FUT9: variants seen among roughly 807,000 people sequenced by gnomAD.
The protein encoded by FUT9 is fucosyltransferase 9.
Under a neutral mutation model 29.7 loss-of-function variants are expected in FUT9, and 15 were observed. The ratio of observed to expected loss-of-function variants is 0.51; its 90% confidence interval spans 0.34 to 0.78. The LOEUF is 0.78. Ranked by LOEUF, FUT9 falls within the 30% of genes least tolerant of loss-of-function variation. The pLI is 0.01. For synonymous variants in FUT9, 169 were observed against 153.7 expected (o/e 1.10, Z -0.74); for missense variants, 319 against 425.4 (o/e 0.75, Z 2.20).
intron 1 of FUT9, among the ~76,000 whole-genome samples, chr6:96,102,554 C>G (rs563447045): frequency 6.6e-6 from 1 of 152,164 alleles, no homozygotes; most frequent in African/African-American, 2.4e-5. Flanking sequence ...CCAAATGGGC[C>G]ATGAGTTCAC....
At chr6:96,025,721 C>A (rs1002896594) in intron 1 of FUT9, among the ~76,000 whole-genome samples, 7 of 151,626 alleles carry the variant, frequency 4.6e-5, no homozygotes, top group Non-Finnish European at 1.5e-5. Context: ...CATCTTTTCT[C>A]TTCCAGAAAG....
intron 2 of FUT9, among the ~76,000 whole-genome samples, chr6:96,128,047 C>T (rs1343013932): frequency 6.6e-6 from 1 of 151,876 alleles, no homozygotes; most frequent in East Asian, 1.9e-4. Context: ...TTCCACTTGT[C>T]AATTTTTGAA....
intron 1 of FUT9, among the ~76,000 whole-genome samples, chr6:96,108,676 A>T (rs7752510): frequency 0.27 from 40,927 of 151,986 alleles, 6,347 homozygotes; most frequent in Non-Finnish European, 0.34. Flanking sequence ...TAGTCCTAAA[A>T]TGACATTATC....
intron 2 of FUT9, among the ~76,000 whole-genome samples, chr6:96,198,737 G>A (rs1286088693): frequency 6.6e-6 from 1 of 152,158 alleles, no homozygotes; most frequent in Admixed American, 6.6e-5. Flanking sequence ...CCCACCAGCA[G>A]TGTAAAAGTG....
intron 1 of FUT9, among the ~76,000 whole-genome samples, chr6:96,075,430 G>A (rs1439483560): frequency 6.6e-6 from 1 of 151,960 alleles, no homozygotes; most frequent in Admixed American, 6.6e-5. Context: ...AGAAAATGAT[G>A]GAAATTTTGT....
intron 2 of FUT9, among the ~76,000 whole-genome samples, chr6:96,190,227 T>C (rs1389348379): frequency 6.6e-6 from 1 of 152,170 alleles, no homozygotes; most frequent in East Asian, 1.9e-4. Context: ...GAATGTTGAA[T>C]ATTGGCCCCC....
At chr6:96,112,384 A>G (rs980855144) in intron 1 of FUT9, among the ~76,000 whole-genome samples, 3 of 152,236 alleles carry the variant, frequency 2.0e-5, no homozygotes, top group African/African-American at 7.2e-5. Context: ...AAGAACAATT[A>G]GGTGATATTT....
rs543256719 is a variant in FUT9 at position 96,204,483 on chromosome 6, T to A, written c.*248T>A. The A allele has an allele frequency of 1.8e-5, 5 of 281,872 alleles. No individual in the cohort carries two copies. In the Admixed American group the frequency reaches 2.1e-4, roughly 12 times the overall value. 17.5% of individuals were successfully genotyped at this position (281,872 alleles called of 1,614,324 possible). On this transcript the variant is annotated 3_prime_UTR_variant, in exon 3 of 3. Coordinates refer to ENST00000302103, the MANE Select transcript of FUT9 (RefSeq NM_006581.4). ...AGAGTAATTTATTCTTCATTATCAT[T>A]TGTAAACATTGTTTTTTCACATTTT... is the stretch of plus-strand genomic sequence containing the variant.
intron 2 of FUT9, among the ~76,000 whole-genome samples, chr6:96,171,686 T>C (rs1166774920): frequency 6.6e-6 from 1 of 152,170 alleles, no homozygotes; most frequent in Non-Finnish European, 1.5e-5. Context: ...ACCTAAAGTA[T>C]GTAAAAATTC....
intron 2 of FUT9, among the ~76,000 whole-genome samples, chr6:96,149,066 G>T (rs1006365169): frequency 6.6e-6 from 1 of 152,030 alleles, no homozygotes; most frequent in Non-Finnish European, 1.5e-5. Flanking sequence ...TGAGGCAGGA[G>T]AACTGCTTGA....
chr6:96,075,147 GGTGT>G, intron 1 of FUT9, among the ~76,000 whole-genome samples: 1 of 151,972 alleles, frequency 6.6e-6, no homozygotes, highest in East Asian at 1.9e-4. Flanking sequence ...TGTGTGTGTA[GGTGT>G]GTGTGTGTAT....
intron 2 of FUT9, among the ~76,000 whole-genome samples, chr6:96,148,738 T>A (rs1772620052): frequency 6.6e-6 from 1 of 152,166 alleles, no homozygotes; most frequent in Non-Finnish European, 1.5e-5. Flanking sequence ...GTAGTGTAGA[T>A]ACATGAACAT....
intron 1 of FUT9, among the ~76,000 whole-genome samples, chr6:96,087,471 A>C (rs1482283612): frequency 6.7e-6 from 1 of 149,482 alleles, no homozygotes; most frequent in Non-Finnish European, 1.5e-5. Flanking sequence ...GGTTCAAGCA[A>C]TTATCCTGCC....
chr6:96,117,813 A>C (rs1297268345), intron 2 of FUT9, among the ~76,000 whole-genome samples: 1 of 152,226 alleles, frequency 6.6e-6, no homozygotes, highest in East Asian at 1.9e-4. Flanking sequence ...CTCTTAATTT[A>C]AATAAAATTC....
In FUT9 at chr6:96,208,045, ATAATCT is replaced by A. The variant is rs1179425163; in HGVS notation, c.*3813_*3818del. The A allele has an allele frequency of 6.0e-6, 1 of 166,914 alleles. No homozygotes were observed. Among genetic ancestry groups the A allele is most frequent in the Non-Finnish European group, 1.5e-5 (1 of 68,004 alleles). The allele number at this position is 166,914 out of a possible 1,614,324, so 10.3% of individuals were successfully genotyped here. A position where few individuals can be genotyped will look rare whatever the true frequency, so the allele number is the denominator to read the frequency against. On this transcript the variant is annotated 3_prime_UTR_variant, in exon 3 of 3. Coordinates refer to ENST00000302103, the MANE Select transcript of FUT9 (RefSeq NM_006581.4). The stretch of plus-strand genomic sequence containing the variant: ...TGTTATATTTACTGTAAAACTCCTG[ATAATCT>A]TAGATTGTGCAGAAATGTTTCTTAT...
At chr6:96,104,349 T>C (rs1403428532) in intron 1 of FUT9, among the ~76,000 whole-genome samples, 2 of 152,232 alleles carry the variant, frequency 1.3e-5, no homozygotes, top group Non-Finnish European at 2.9e-5. Context: ...TTTAATATTA[T>C]TTGACCAAAT....
chr6:96,153,452 T>C (rs530841552), intron 2 of FUT9, among the ~76,000 whole-genome samples: 1 of 152,354 alleles, frequency 6.6e-6, no homozygotes, highest in South Asian at 2.1e-4. Context: ...TGCAGGATTC[T>C]CTTGAGTAGA....
intron 1 of FUT9, among the ~76,000 whole-genome samples, chr6:96,073,579 C>A (rs1771098488): frequency 6.6e-6 from 1 of 152,002 alleles, no homozygotes; most frequent in African/African-American, 2.4e-5. Flanking sequence ...GTCTAAATAT[C>A]AAGAGTGAGG....
chr6:96,119,810 T>C (rs1042702227), intron 2 of FUT9, among the ~76,000 whole-genome samples: 1 of 152,200 alleles, frequency 6.6e-6, no homozygotes, highest in African/African-American at 2.4e-5. Context: ...TTTCTCCCTA[T>C]TGCTTTCCAA....
Sources: gnomAD v4.1 joint callset for allele counts (sites outside exome capture counted in the v4.1 genomes callset) on GRCh38, gnomAD v4.1.1 for gene constraint, MANE v1.5 for transcripts, NCBI Gene and HGNC (gene_info 2026-07-23, HGNC 2026-07-21) for gene names.